Variants in MED13L observed in about 807,000 individuals in gnomAD.
MED13L encodes the protein mediator of RNA polymerase II transcription subunit 13-like.
In MED13L, 7 loss-of-function variants were observed where a neutral mutation model predicts 220.9. The observed-to-expected ratio is 0.03, with a 90% CI of 0.02 to 0.06. MED13L has a LOEUF of 0.06. Ranked by LOEUF, MED13L falls within the 10% of genes least tolerant of loss-of-function variation. The pLI, the probability that MED13L is intolerant of heterozygous loss-of-function variation, is 1.00. For missense variants in MED13L, 1,965 were observed against 2,760.5 expected (o/e 0.71, Z 6.46); for synonymous variants, 1,011 against 1,015.2 (o/e 1.00, Z 0.08).
At chr12:116,232,620 T>C (rs1172269833) in intron 2 of MED13L, among the ~76,000 whole-genome samples, 3 of 152,172 alleles carry the variant, frequency 2.0e-5, no homozygotes, top group Non-Finnish European at 4.4e-5. Flanking sequence ...CTTAAGCACA[T>C]ACTAGGCTGA....
At chr12:116,250,622 AAAAAATTAGCCGGG>A (rs1459639938) in intron 1 of MED13L, among the ~76,000 whole-genome samples, 3 of 150,022 alleles carry the variant, frequency 2.0e-5, no homozygotes, top group African/African-American at 7.3e-5. Flanking sequence ...AAAAAAAAAA[AAAAAATTAGCCGGG>A]AGTGGTGGCA....
chr12:116,276,325 T>TGTGTGTGC (rs1873819826), intron 1 of MED13L: 1 of 480,020 alleles, frequency 2.1e-6, no homozygotes, highest in Non-Finnish European at 3.6e-6. Flanking sequence ...TGTGTGTGTG[T>TGTGTGTGC]GTGTGTGTGT....
chr12:116,108,352 T>C (rs956185084), intron 3 of MED13L, among the ~76,000 whole-genome samples: 43 of 121,970 alleles, frequency 3.5e-4, no homozygotes, highest in African/African-American at 1.2e-3. Context: ...ACACATAAAA[T>C]AGACTCTAAC....
At position 115,991,951 on chromosome 12, in the gene MED13L, C is replaced by T; in HGVS notation, c.3003G>A (p.Val1001=). 3 of 1,599,048 alleles carry T rather than the reference C, an allele frequency of 1.9e-6. No homozygotes were observed. Among genetic ancestry groups the T allele is most frequent in the Non-Finnish European group, 2.5e-6 (3 of 1,179,634 alleles). Residue 1001 remains valine (V), a synonymous_variant, in exon 17 of 31, where the codon GTG becomes GTA. Coordinates refer to ENST00000281928, the MANE Select transcript of MED13L (RefSeq NM_015335.5). The surrounding 1 kb of genome is among the most constrained non-coding windows in gnomAD (Gnocchi z 7.7). The part of the protein sequence containing the change: ...ATFIRDGYNN[V]PSVGSLADPD... ...GATCTGCTAGGCTCCCAACACTAGGCACGTTACTACAAAAAGAGAAGGCAC... is the reference window on the plus strand; with the variant it reads ...GATCTGCTAGGCTCCCAACACTAGGTACGTTACTACAAAAAGAGAAGGCAC...
intron 19 of MED13L, 32 bp from the exon 20 acceptor site, chr12:115,984,404 C>T: frequency 1.2e-6 from 2 of 1,610,464 alleles, no homozygotes; most frequent in Non-Finnish European, 1.7e-6. Context: ...TTAGTTATAA[C>T]AGGAGCCATT....
intron 2 of MED13L, among the ~76,000 whole-genome samples, chr12:116,159,071 C>CTT (rs1878665835): frequency 6.6e-6 from 1 of 152,134 alleles, no homozygotes; most frequent in African/African-American, 2.4e-5. Flanking sequence ...CAAAAAATCA[C>CTT]CACCACAACT....
rs771382809 is a variant in MED13L at position 115,980,789 on chromosome 12, C to A, written c.5325G>T (p.Gly1775=). Residue 1775 remains glycine (G), a synonymous_variant, in exon 23 of 31, where the codon GGG becomes GGT. Coordinates refer to ENST00000281928, the MANE Select transcript of MED13L (RefSeq NM_015335.5). ...QIHIKSLTGF[G]PAASIEMTLK... is the part of the protein sequence containing the mutation. ...GGGTCATCTCAATGCTGGCTGCAGG[C>A]CCAAATCCCGTGAGGGATTTAATGT... 12 of 1,614,094 alleles carry A rather than the reference C, an allele frequency of 7.4e-6. No homozygotes were observed. The highest frequency in any genetic ancestry group is 1.0e-5 in the Non-Finnish European group (12 of 1,180,018).
chr12:116,181,011 A>G (rs1205145122), intron 2 of MED13L, among the ~76,000 whole-genome samples: 1 of 150,380 alleles, frequency 6.6e-6, no homozygotes, highest in Non-Finnish European at 1.5e-5. Flanking sequence ...GCTCACTGCA[A>G]CCTCTGCCTC....
At chr12:116,198,080 G>T (rs1191630607) in intron 2 of MED13L, among the ~76,000 whole-genome samples, 1 of 152,034 alleles carries the variant, frequency 6.6e-6, no homozygotes, top group Non-Finnish European at 1.5e-5. Context: ...ACCAAAACAT[G>T]ATGTTATTTG....
chr12:116,051,740 C>T (rs1002703906), intron 4 of MED13L, among the ~76,000 whole-genome samples: 5 of 152,088 alleles, frequency 3.3e-5, no homozygotes, highest in African/African-American at 1.2e-4. Context: ...ATAATTTTGT[C>T]TGTGAAACAA....
At chr12:115,989,417 G>A (rs965387701) in intron 17 of MED13L, among the ~76,000 whole-genome samples, 3 of 151,924 alleles carry the variant, frequency 2.0e-5, no homozygotes, top group South Asian at 4.2e-4. Flanking sequence ...ATAGGCTCAC[G>A]CTTCTCTGCC....
intron 3 of MED13L, among the ~76,000 whole-genome samples, chr12:116,097,941 T>C (rs1458028205): frequency 6.6e-6 from 1 of 152,156 alleles, no homozygotes; most frequent in African/African-American, 2.4e-5. Context: ...GGAGTATAAC[T>C]GATTTTAAAA....
At chr12:116,043,659 T>C (rs917001286) in intron 4 of MED13L, among the ~76,000 whole-genome samples, 5 of 152,224 alleles carry the variant, frequency 3.3e-5, no homozygotes, top group Admixed American at 6.5e-5. Flanking sequence ...TGGCTTTTCA[T>C]AGTATGTGTG....
rs530451603 is a variant in MED13L at position 116,070,524 on chromosome 12, A to G, written c.479+26145T>C. On this transcript the variant is annotated intron_variant, in intron 4 of 30. Transcript: ENST00000281928. Reference sequence around the variant, plus strand: ...TTACTTCTCTAAGGTACAAAGCAGCAAAGTCAAGATTCGAATGCAGGCAGT... The same window carrying G: ...TTACTTCTCTAAGGTACAAAGCAGCGAAGTCAAGATTCGAATGCAGGCAGT... 3.9e-4 allele frequency among the ~76,000 whole-genome samples: 59 copies of G among 152,360 alleles called. 1 individual carries two copies. The South Asian group carries it at 0.012, about 31-fold the overall frequency.
At chr12:116,001,631 C>A (rs536076712) in intron 14 of MED13L, among the ~76,000 whole-genome samples, 2 of 152,210 alleles carry the variant, frequency 1.3e-5, no homozygotes, top group African/African-American at 2.4e-5. Context: ...CCCACAAATA[C>A]ATATGCTCTC....
At chr12:116,026,719 A>G (rs1008793663) in intron 4 of MED13L, among the ~76,000 whole-genome samples, 3 of 152,242 alleles carry the variant, frequency 2.0e-5, no homozygotes, top group Non-Finnish European at 4.4e-5. Flanking sequence ...AAACAAGGAC[A>G]GGAATGACAG....
chr12:116,266,791 A>C (rs780428631), intron 1 of MED13L, among the ~76,000 whole-genome samples: 1 of 152,246 alleles, frequency 6.6e-6, no homozygotes, highest in Non-Finnish European at 1.5e-5. Context: ...AAACCTCTAG[A>C]TACAACTTAA....
intron 2 of MED13L, among the ~76,000 whole-genome samples, chr12:116,156,516 A>C (rs931851691): frequency 6.6e-6 from 1 of 152,088 alleles, no homozygotes; most frequent in Non-Finnish European, 1.5e-5. Context: ...TAAGGAAAAG[A>C]TGTTGCACAT....
intron 4 of MED13L, among the ~76,000 whole-genome samples, chr12:116,046,990 A>G (rs968262197): frequency 5.3e-5 from 8 of 152,076 alleles, no homozygotes; most frequent in African/African-American, 1.9e-4. Context: ...GAAAAGAAAG[A>G]AAGAAAATGT....
Sources: gnomAD v4.1 joint callset for allele counts (sites outside exome capture counted in the v4.1 genomes callset) on GRCh38, gnomAD v4.1.1 for gene constraint, Gnocchi (gnomAD v3.1) non-coding constraint, MANE v1.5 for transcripts, NCBI Gene and HGNC (gene_info 2026-07-23, HGNC 2026-07-21) for gene names.